The following ATP11B variants were observed in gnomAD, a reference collection of about 807,000 sequenced individuals.
ATP11B encodes the protein phospholipid-transporting ATPase IF.
Under a neutral mutation model 157.8 loss-of-function variants are expected in ATP11B, and 81 were observed. The observed-to-expected ratio is 0.51, with a 90% CI of 0.43 to 0.62. ATP11B has a LOEUF of 0.62. Ranked by LOEUF, ATP11B falls within the 20% of genes least tolerant of loss-of-function variation. The pLI, the probability that ATP11B is intolerant of heterozygous loss-of-function variation, is 0.00. For synonymous variants in ATP11B, 451 were observed against 469.4 expected, an observed-to-expected ratio of 0.96 and a Z score of 0.51; for missense variants, 1,165 against 1,402.2, an observed-to-expected ratio of 0.83 and a Z score of 2.70.
chr3:182,837,017 T>C (rs758613863), intron 6 of ATP11B, 54 bp from the exon 7 acceptor site: 7 of 1,293,610 alleles, frequency 5.4e-6, no homozygotes, highest in Non-Finnish European at 7.8e-6. Flanking sequence ...ATAACTGATA[T>C]TGAAGGTCGC....
chr3:182,808,008 A>T (rs1716433332), intron 1 of ATP11B, among the ~76,000 whole-genome samples: 1 of 152,174 alleles, frequency 6.6e-6, no homozygotes. Context: ...TTTATAAGTG[A>T]TACACATAGG....
intron 25 of ATP11B, among the ~76,000 whole-genome samples, chr3:182,892,545 A>G (rs1317217482): frequency 1.3e-5 from 2 of 152,192 alleles, no homozygotes; most frequent in Non-Finnish European, 2.9e-5. Context: ...TAAGGGTAGA[A>G]CAATTCAGGG....
intron 19 of ATP11B, among the ~76,000 whole-genome samples, chr3:182,877,966 T>C (rs1722161708): frequency 6.6e-6 from 1 of 152,194 alleles, no homozygotes. Flanking sequence ...TCTGTCCCAC[T>C]CTTGACTGCT....
At chr3:182,839,604 A>ATTTATTTTATTTTATTTTATTTTAG (rs56137243) in intron 7 of ATP11B, among the ~76,000 whole-genome samples, 3 of 149,010 alleles carry the variant, frequency 2.0e-5, no homozygotes, top group Non-Finnish European at 4.5e-5. Flanking sequence ...TTTTTTAAAT[A>ATTTATTTTATTTTATTTTATTTTAG]TTTATTTTAT....
intron 25 of ATP11B, among the ~76,000 whole-genome samples, chr3:182,889,889 T>A (rs1723062547): frequency 6.6e-6 from 1 of 152,200 alleles, no homozygotes; most frequent in East Asian, 1.9e-4. Context: ...TTGTGCTAAG[T>A]ACTTTAATAT....
chr3:182,877,320 C>T (rs1722113589), intron 19 of ATP11B, among the ~76,000 whole-genome samples: 1 of 152,112 alleles, frequency 6.6e-6, no homozygotes, highest in South Asian at 2.1e-4. Flanking sequence ...GAGAGTGACA[C>T]TAAGAAGCAA....
chr3:182,884,720 C>T, intron 21 of ATP11B, 33 bp from the exon 22 acceptor site: 2 of 1,559,730 alleles, frequency 1.3e-6, no homozygotes, highest in Non-Finnish European at 1.7e-6. Flanking sequence ...TTACAGTTAT[C>T]AGTGAACATG....
At chr3:182,880,040 T>A (rs968132842) in intron 20 of ATP11B, among the ~76,000 whole-genome samples, 1 of 152,254 alleles carries the variant, frequency 6.6e-6, no homozygotes, top group African/African-American at 2.4e-5. Flanking sequence ...TCTTTGTTAC[T>A]TTTAGCTATA....
chr3:182,859,946 T>G (rs1270339738), intron 12 of ATP11B, among the ~76,000 whole-genome samples: 3 of 89,228 alleles, frequency 3.4e-5, no homozygotes, highest in Admixed American at 1.1e-4. Flanking sequence ...CTCCCTGCCT[T>G]CCTTTTTTTT....
intron 1 of ATP11B, among the ~76,000 whole-genome samples, chr3:182,812,143 G>A (rs1018190812): frequency 1.3e-5 from 2 of 151,906 alleles, no homozygotes; most frequent in African/African-American, 4.8e-5. Context: ...GTGTACATTT[G>A]TGACTGGTAT....
At chr3:182,904,515 C>T (rs751485757) in intron 28 of ATP11B, among the ~76,000 whole-genome samples, 1 of 152,194 alleles carries the variant, frequency 6.6e-6, no homozygotes, top group South Asian at 2.1e-4. Flanking sequence ...TAACTATTTA[C>T]GCCTGTGACA....
In ATP11B at chr3:182,898,761, GA is replaced by G; in HGVS notation, c.3311del (p.Lys1104ArgfsTer38). The G allele has an allele frequency of 3.9e-6, 6 of 1,542,938 alleles. No individual in the cohort carries two copies. Among genetic ancestry groups the G allele is most frequent in the South Asian group, 2.6e-5 (2 of 75,566 alleles). ...FDRHLHPTST[E>X]KAQLTETNAG... Reference sequence around the variant, plus strand: ...CCGACACCTCCACCCTACAAGTACTGAAAAGGCACAGGTAACCACTTTTTAT... The same window carrying G: ...CCGACACCTCCACCCTACAAGTACTGAAAGGCACAGGTAACCACTTTTTAT... On this transcript the variant is annotated frameshift_variant, in exon 28 of 30. Coordinates refer to ENST00000323116, the MANE Select transcript of ATP11B (RefSeq NM_014616.3). LOFTEE classifies it high-confidence loss of function.
At chr3:182,858,089 T>C in intron 11 of ATP11B, 61 bp downstream of exon 11, 1 of 1,439,206 alleles carries the variant, frequency 6.9e-7, no homozygotes, top group Non-Finnish European at 9.6e-7. Context: ...CGATTAGTGC[T>C]TTGGTAGTGA....
chr3:182,889,396 CTTCTTT>C lies in ATP11B; in HGVS notation c.2844-11_2844-6del. ...TGATCCCTAATATGTTTCTTTTTCT[CTTCTTT>C]TTAACAGAGACATTAGTAAAAACCG... On this transcript the variant is annotated splice_polypyrimidine_tract_variant and splice_region_variant and intron_variant, in intron 24 of 29. Transcript: ENST00000323116. 1 of 1,519,208 alleles carries C rather than the reference CTTCTTT, an allele frequency of 6.6e-7. No individual in the cohort carries two copies. Among genetic ancestry groups the C allele is most frequent in the Non-Finnish European group, 8.9e-7 (1 of 1,127,380 alleles). 94.1% of individuals were successfully genotyped at this position (1,519,208 alleles called of 1,614,324 possible).
At chr3:182,895,820 G>T (rs552518663) in intron 25 of ATP11B, among the ~76,000 whole-genome samples, 1 of 152,134 alleles carries the variant, frequency 6.6e-6, no homozygotes, top group Non-Finnish European at 1.5e-5. Flanking sequence ...ATGTTCCCAT[G>T]ATGAGGCAGT....
intron 21 of ATP11B, 34 bp downstream of exon 21, chr3:182,881,015 C>A: frequency 6.8e-7 from 1 of 1,463,714 alleles, no homozygotes; most frequent in Non-Finnish European, 9.3e-7. Context: ...TTTTCCTGAA[C>A]TTTTAAAGTT....
At chr3:182,876,625 A>G (rs1396059440) in intron 19 of ATP11B, among the ~76,000 whole-genome samples, 3 of 152,198 alleles carry the variant, frequency 2.0e-5, no homozygotes, top group Non-Finnish European at 4.4e-5. Flanking sequence ...CTGTTCCAAA[A>G]TGGTGCCTTA....
chr3:182,820,106 G>A (rs1717234499), intron 1 of ATP11B, among the ~76,000 whole-genome samples, 154 bp from the exon 2 acceptor site: 1 of 152,098 alleles, frequency 6.6e-6, no homozygotes, highest in African/African-American at 2.4e-5. Flanking sequence ...AAAATAGGTG[G>A]CATAGCTCTT....
At chr3:182,892,731 G>T (rs1049108238) in intron 25 of ATP11B, among the ~76,000 whole-genome samples, 3 of 152,138 alleles carry the variant, frequency 2.0e-5, no homozygotes, top group African/African-American at 7.2e-5. Flanking sequence ...CTTTCTCTTA[G>T]TAAAGTATAA....
Sources: gnomAD v4.1 joint callset for allele counts (sites outside exome capture counted in the v4.1 genomes callset) on GRCh38, gnomAD v4.1.1 for gene constraint, MANE v1.5 for transcripts, NCBI Gene and HGNC (gene_info 2026-07-23, HGNC 2026-07-21) for gene names.